Variants in PLEKHB2 observed in about 807,000 individuals in gnomAD.
The protein encoded by PLEKHB2 is pleckstrin homology domain-containing family B member 2.
PLEKHB2 carries 31 observed loss-of-function variants against 36.5 expected under a neutral mutation model. The observed-to-expected ratio is 0.85, with a 90% CI of 0.64 to 1.15. The LOEUF is 1.15. Ranked by LOEUF, PLEKHB2 falls within the 50% of genes most tolerant of loss-of-function variation. The probability of loss-of-function intolerance (pLI) is 0.00; values close to 1 mark genes in which losing one functional copy is unlikely to be tolerated. For missense variants in PLEKHB2, 262 were observed against 295.3 expected (o/e 0.89, Z 0.83); for synonymous variants, 119 against 112.0 (o/e 1.06, Z -0.39).
At chr2:131,134,048 C>A (rs953078253) in intron 6 of PLEKHB2, among the ~76,000 whole-genome samples, 4 of 151,098 alleles carry the variant, frequency 2.6e-5, no homozygotes, top group Middle Eastern at 6.9e-3. Flanking sequence ...TACAGGCGCC[C>A]GCCACCACGC....
intron 1 of PLEKHB2, among the ~76,000 whole-genome samples, chr2:131,118,614 C>A (rs1371122483): frequency 1.3e-5 from 2 of 151,970 alleles, no homozygotes; most frequent in Non-Finnish European, 2.9e-5. Context: ...GCCTGTAATC[C>A]CAGCACTTTG....
At chr2:131,120,488 G>GT (rs1014132046) in intron 1 of PLEKHB2, 171 of 165,548 alleles carry the variant, frequency 1.0e-3, no homozygotes, top group African/African-American at 4.0e-3. Context: ...GATGACTTTT[G>GT]TTTTTTTGCC....
intron 6 of PLEKHB2, among the ~76,000 whole-genome samples, chr2:131,139,277 C>G (rs571748039): frequency 1.6e-4 from 25 of 152,288 alleles, no homozygotes. Context: ...CCTCTCCCGT[C>G]TGTCTTCTCT....
At chr2:131,134,024 C>T (rs995114034) in intron 6 of PLEKHB2, among the ~76,000 whole-genome samples, 4 of 151,670 alleles carry the variant, frequency 2.6e-5, no homozygotes, top group South Asian at 2.1e-4. Context: ...CTCAGCCTCC[C>T]GAGTAGCTGG....
At chr2:131,133,292 A>C (rs1409314219) in intron 6 of PLEKHB2, among the ~76,000 whole-genome samples, 1 of 152,194 alleles carries the variant, frequency 6.6e-6, no homozygotes, top group Non-Finnish European at 1.5e-5. Context: ...TATGGAATGA[A>C]TTATTTGAAT....
intron 6 of PLEKHB2, among the ~76,000 whole-genome samples, chr2:131,133,247 CCTTGGGTAATGAGA>C (rs1413377501): frequency 6.6e-6 from 1 of 151,964 alleles, no homozygotes; most frequent in African/African-American, 2.4e-5. Flanking sequence ...ATGATAGTTG[CCTTGGGTAATGAGA>C]TTTTGATGAT....
At chr2:131,137,162 C>T (rs546083693) in intron 6 of PLEKHB2, among the ~76,000 whole-genome samples, 20 of 149,050 alleles carry the variant, frequency 1.3e-4, no homozygotes, top group South Asian at 8.5e-4. Context: ...TTAGCCAGGA[C>T]GGTCTCGATC....
chr2:131,132,297 TGAGAGTGCTGTAACATCTTTATTTTTTTG>T (rs1415830496), intron 5 of PLEKHB2, among the ~76,000 whole-genome samples: 2 of 152,172 alleles, frequency 1.3e-5, no homozygotes, highest in African/African-American at 4.8e-5. Flanking sequence ...AAAGGACTGT[TGAGAGTGCTGTAACATCTTTATTTTTTTG>T]GAGACAGTCT....
At chr2:131,124,257 C>T (rs1488567552) in intron 2 of PLEKHB2, among the ~76,000 whole-genome samples, 1 of 152,172 alleles carries the variant, frequency 6.6e-6, no homozygotes, top group Non-Finnish European at 1.5e-5. Context: ...GTGCCTGATA[C>T]TACTGGCAGG....
intron 1 of PLEKHB2, among the ~76,000 whole-genome samples, chr2:131,112,088 A>G (rs534470436): frequency 5.9e-5 from 9 of 152,184 alleles, no homozygotes; most frequent in Non-Finnish European, 1.0e-4. Flanking sequence ...TGAAACACCT[A>G]TGCGACTTTA....
At chr2:131,110,069 C>G (rs891567968) in intron 1 of PLEKHB2, among the ~76,000 whole-genome samples, 1 of 151,744 alleles carries the variant, frequency 6.6e-6, no homozygotes, top group Non-Finnish European at 1.5e-5. Flanking sequence ...GAGCTGAGAT[C>G]GCGCCACTGC....
chr2:131,124,240 G>A (rs1481158628), intron 2 of PLEKHB2, among the ~76,000 whole-genome samples: 1 of 152,218 alleles, frequency 6.6e-6, no homozygotes, highest in Non-Finnish European at 1.5e-5. Context: ...CCCTCCTGGT[G>A]AGGAGAGTGC....
rs1217154130 is a variant in PLEKHB2, at chr2:131,115,755, A to C, written c.-8-5179A>C. 2.6e-5 allele frequency among the ~76,000 whole-genome samples: 4 copies of C among 152,142 alleles called. 1 individual carries two copies. Among genetic ancestry groups the C allele is most frequent in the Admixed American group, 6.6e-5 (1 of 15,260 alleles). On this transcript the variant is annotated intron_variant, in intron 1 of 7. Coordinates refer to ENST00000693505, the MANE Select transcript of PLEKHB2 (RefSeq NM_001100623.2). ...GCCTTAGTTGGTTGTAATAGACTGT[A>C]ATTTTTACTTTGAATTTTACACTTG...
chr2:131,106,498 G>A (rs1694749643), intron 1 of PLEKHB2, among the ~76,000 whole-genome samples: 1 of 152,152 alleles, frequency 6.6e-6, no homozygotes, highest in Non-Finnish European at 1.5e-5. Flanking sequence ...CTAAACTAAT[G>A]ACCAAAACAT....
chr2:131,108,916 G>A (rs1287611115), intron 1 of PLEKHB2, among the ~76,000 whole-genome samples: 1 of 152,318 alleles, frequency 6.6e-6, no homozygotes, highest in East Asian at 1.9e-4. Flanking sequence ...CAAGTAGGTG[G>A]TGGGAATTTT....
chr2:131,135,204 C>T (rs937655092), intron 6 of PLEKHB2, among the ~76,000 whole-genome samples: 3 of 151,750 alleles, frequency 2.0e-5, no homozygotes, highest in East Asian at 3.9e-4. Flanking sequence ...CCTGAGTAGC[C>T]GGGATTACAG....
chr2:131,106,609 GTGCTCAGGAGTGTTCCC>G, intron 1 of PLEKHB2, among the ~76,000 whole-genome samples: 1 of 152,276 alleles, frequency 6.6e-6, no homozygotes. Flanking sequence ...TTCAATTGTG[GTGCTCAGGAGTGTTCCC>G]TAGGTTCAGA....
chr2:131,132,587 A>G (rs1017298686), intron 5 of PLEKHB2, among the ~76,000 whole-genome samples: 1 of 152,136 alleles, frequency 6.6e-6, no homozygotes, highest in African/African-American at 2.4e-5. Context: ...GGTGTGAGCC[A>G]TTGCACCTGG....
intron 5 of PLEKHB2, 23 bp downstream of exon 5, chr2:131,130,783 C>A (rs1172661665): frequency 1.9e-6 from 3 of 1,577,460 alleles, no homozygotes; most frequent in Non-Finnish European, 2.6e-6. Context: ...TGGCAATCAC[C>A]AATAATTTTT....
Sources: allele counts gnomAD v4.1 joint callset (sites outside exome capture counted in the v4.1 genomes callset), GRCh38; gene constraint gnomAD v4.1.1; transcripts MANE v1.5; gene names NCBI Gene and HGNC (gene_info 2026-07-23, HGNC 2026-07-21).